The following EIF2D variants were observed in gnomAD, a reference collection of about 807,000 sequenced individuals.
EIF2D encodes hepatocellular carcinoma-associated antigen 56.
In EIF2D, 56 loss-of-function variants were observed where a neutral mutation model predicts 77.4. The observed-to-expected ratio is 0.72, with a 90% CI of 0.58 to 0.90. The LOEUF (loss-of-function observed/expected upper bound fraction) is 0.90, where lower values mean the gene tolerates loss of function less well. Ranked by LOEUF, EIF2D falls within the 40% of genes least tolerant of loss-of-function variation. The probability of loss-of-function intolerance (pLI) is 0.00; values close to 1 mark genes in which losing one functional copy is unlikely to be tolerated. For missense variants in EIF2D, 574 were observed against 706.5 expected, an observed-to-expected ratio of 0.81 and a Z score of 2.13; for synonymous variants, 230 against 271.0, an observed-to-expected ratio of 0.85 and a Z score of 1.49.
chr1:206,612,349 T>C lies in EIF2D; in HGVS notation c.-7A>G. ...GAAAGGCCTTGGCAAACATGTCTGCTGGGGTGGCCTGGGGAAGAGAGCACA... is the reference window on the plus strand; with the variant it reads ...GAAAGGCCTTGGCAAACATGTCTGCCGGGGTGGCCTGGGGAAGAGAGCACA... On this transcript the variant is annotated 5_prime_UTR_variant, in exon 1 of 15. Transcript: ENST00000271764. 1 of 1,614,220 alleles carries C rather than the reference T, an allele frequency of 6.2e-7. No homozygotes were observed. Among genetic ancestry groups the C allele is most frequent in the South Asian group, 1.1e-5 (1 of 91,086 alleles).
chr1:206,599,686 G>A lies in EIF2D; in HGVS notation c.1052+47C>T. 6.2e-7 allele frequency: 1 copy of A among 1,612,950 alleles called. No homozygotes were observed. Among genetic ancestry groups the A allele is most frequent in the Non-Finnish European group, 8.5e-7 (1 of 1,179,272 alleles). ...CAGCAATCCCCAGTCCGTGGCCCAG[G>A]TGCCCTGGGGCCAGCTGGGCTACAG... On this transcript the variant is annotated intron_variant, in intron 9 of 14. Coordinates refer to ENST00000271764, the MANE Select transcript of EIF2D (RefSeq NM_006893.3). This position sits in a 1 kb window ranked among gnomAD's most constrained non-coding sequence, Gnocchi z 4.1.
chr1:206,586,841 A>C (rs781884773), downstream of EIF2D: 19 of 1,613,800 alleles, frequency 1.2e-5, no homozygotes, highest in Non-Finnish European at 1.5e-5. Flanking sequence ...TGCCTTCTCC[A>C]TCCCTGAACT....
At chr1:206,570,357 G>A (rs1363002553), downstream of EIF2D, among the ~76,000 whole-genome samples, 3 of 152,040 alleles carry the variant, frequency 2.0e-5, no homozygotes, top group Non-Finnish European at 2.9e-5. Context: ...GCCTCCCTAA[G>A]TTCTGGGATT....
chr1:206,608,615 T>C (rs1553413207), intron 3 of EIF2D, among the ~76,000 whole-genome samples: 1 of 152,262 alleles, frequency 6.6e-6, no homozygotes. Flanking sequence ...CAGTGCCTTA[T>C]GCCTGTGGCT....
At chr1:206,577,028 C>T (rs1466374152) in intron 4 of EIF2D, among the ~76,000 whole-genome samples, 9 of 148,942 alleles carry the variant, frequency 6.0e-5, no homozygotes, top group African/African-American at 2.0e-4. Context: ...CCAGACTGGT[C>T]TCGAACTCCT....
intron 4 of EIF2D, chr1:206,572,809 A>G (rs1553404446): frequency 1.3e-5 from 2 of 152,220 alleles, no homozygotes; most frequent in Admixed American, 6.5e-5. Context: ...TATAATTTTC[A>G]GTGGGTTTTT....
chr1:206,583,428 C>A, intron 2 of EIF2D: 1 of 1,289,832 alleles, frequency 7.8e-7, no homozygotes, highest in Non-Finnish European at 1.1e-6. Flanking sequence ...CCACCCGCTT[C>A]GGGTTTGGCG....
chr1:206,602,360 A>G lies in EIF2D; in HGVS notation c.878T>C (p.Leu293Pro). 6.2e-7 allele frequency: 1 copy of G among 1,614,228 alleles called. No individual in the cohort carries two copies. Among genetic ancestry groups the G allele is most frequent in the Non-Finnish European group, 8.5e-7 (1 of 1,180,028 alleles). The change falls in exon 7 of 15, where the codon CTT becomes CCT. Residue 293 changes from leucine to proline, a missense_variant. Leu to Pro is a moderately conservative substitution (Grantham distance 98). Transcript: ENST00000271764. ...ADLPLLTSTFLGSHMFSCCPE... is the reference protein window; with the variant it reads ...ADLPLLTSTFPGSHMFSCCPE... Reference sequence around the variant, plus strand: ...CCAGCAGGAGAACATGTGGCTGCCAAGGAAAGTGCTGGTGAGTAAAGGGAG... The same window carrying G: ...CCAGCAGGAGAACATGTGGCTGCCAGGGAAAGTGCTGGTGAGTAAAGGGAG...
downstream of EIF2D, chr1:206,587,325 G>A: frequency 2.9e-6 from 1 of 342,190 alleles, no homozygotes; most frequent in Non-Finnish European, 5.6e-6. Context: ...AGGAAGAAAG[G>A]TTTTAGAGCT....
In EIF2D at chr1:206,597,084, T is replaced by A; in HGVS notation, c.1388+16A>T. The A allele has an allele frequency of 1.9e-6, 3 of 1,605,070 alleles. No homozygotes were observed. Among genetic ancestry groups the A allele is most frequent in the Non-Finnish European group, 2.6e-6 (3 of 1,171,892 alleles). On this transcript the variant is annotated intron_variant, in intron 12 of 14. Coordinates refer to ENST00000271764, the MANE Select transcript of EIF2D (RefSeq NM_006893.3). ...GGGGATAGAAAAGTTGGAGAGGGAC[T>A]GCCAATGCTCGTTACCTGGTCAGAA... is the stretch of plus-strand genomic sequence containing the variant.
chr1:206,579,128 G>A lies in EIF2D; in HGVS notation c.*254+1564C>T, dbSNP rs971426121. On this transcript the variant is annotated intron_variant and NMD_transcript_variant, in intron 4 of 5. Transcript: ENST00000472709. This position sits in a 1 kb window ranked among gnomAD's most constrained non-coding sequence, Gnocchi z 4.2. ...AAAGAAGACATTGCCCTTTTCCACC[G>A]CATAGGACATGTGAGCACAAACCTG... is the stretch of plus-strand genomic sequence containing the variant. Among the ~76,000 whole-genome samples the A allele has an allele frequency of 1.3e-5, 2 of 152,062 alleles. No individual in the cohort carries two copies. Among genetic ancestry groups the A allele is most frequent in the African/African-American group, 2.4e-5 (1 of 41,394 alleles).
intron 6 of EIF2D, 74 bp downstream of exon 6, chr1:206,602,877 G>A: frequency 6.4e-7 from 1 of 1,568,412 alleles, no homozygotes; most frequent in Non-Finnish European, 8.7e-7. Context: ...ATTCTAGTCA[G>A]CAGTGGAGTG....
Position 206,609,359 on chromosome 1 carries a change from T to C in EIF2D, c.331+17A>G, listed in dbSNP as rs1670358824. On this transcript the variant is annotated intron_variant, in intron 3 of 14. Transcript: ENST00000271764. Reference sequence around the variant, plus strand: ...TAGGTTTCAGCCAATAGCCAGAATATAGGAGAATCCTCTTACCTGCTCCCC... The same window carrying C: ...TAGGTTTCAGCCAATAGCCAGAATACAGGAGAATCCTCTTACCTGCTCCCC... 6.2e-7 allele frequency: 1 copy of C among 1,611,556 alleles called. No individual in the cohort carries two copies. Among genetic ancestry groups the C allele is most frequent in the Non-Finnish European group, 8.5e-7 (1 of 1,177,948 alleles).
At position 206,612,036 on chromosome 1, in the gene EIF2D, G is replaced by T. The variant is rs561738681; in HGVS notation, c.56+251C>A. 2.6e-5 allele frequency among the ~76,000 whole-genome samples: 4 copies of T among 152,314 alleles called. No homozygotes were observed. In the East Asian group the frequency reaches 7.7e-4, roughly 29 times the overall value. The stretch of plus-strand genomic sequence containing the variant: ...TTCTCCACAACACCTTAAATAGTCT[G>T]CAGTCAGTAAACTCTGACTTAACTA... On this transcript the variant is annotated intron_variant, in intron 1 of 14. Coordinates refer to ENST00000271764, the MANE Select transcript of EIF2D (RefSeq NM_006893.3).
chr1:206,590,367 T>C (rs567651083), downstream of EIF2D, among the ~76,000 whole-genome samples: 7 of 152,354 alleles, frequency 4.6e-5, no homozygotes, highest in African/African-American at 1.7e-4. Context: ...ATGACCTTTC[T>C]TAGCCTCCAC....
intron 4 of EIF2D, among the ~76,000 whole-genome samples, chr1:206,607,406 G>A (rs1470400916): frequency 2.0e-5 from 3 of 152,106 alleles, no homozygotes; most frequent in Non-Finnish European, 4.4e-5. Context: ...AAGATTGTGG[G>A]GTAAGGGAGG....
intron 7 of EIF2D, 27 bp from the exon 8 acceptor site, chr1:206,600,335 A>T: frequency 1.2e-6 from 2 of 1,610,394 alleles, no homozygotes; most frequent in Admixed American, 3.3e-5. Flanking sequence ...AAGGCAAATT[A>T]AACTAATGAG....
intron 2 of EIF2D, among the ~76,000 whole-genome samples, chr1:206,609,673 T>C (rs1553413482): frequency 6.6e-6 from 1 of 152,142 alleles, no homozygotes; most frequent in African/African-American, 2.4e-5. Flanking sequence ...TTTGGAGGCA[T>C]CCGGATTGCA....
intron 12 of EIF2D, 98 bp from the exon 13 acceptor site, chr1:206,595,936 C>T: frequency 1.3e-6 from 2 of 1,520,922 alleles, no homozygotes; most frequent in Non-Finnish European, 1.8e-6. Flanking sequence ...GCTGAAATTG[C>T]AGGTCCACAA....
Sources: allele counts gnomAD v4.1 joint callset (sites outside exome capture counted in the v4.1 genomes callset), GRCh38; gene constraint gnomAD v4.1.1; non-coding constraint Gnocchi (gnomAD v3.1); transcripts MANE v1.5; gene names NCBI Gene and HGNC (gene_info 2026-07-23, HGNC 2026-07-21).